The following NAV1 variants were observed in gnomAD, a reference collection of about 807,000 sequenced individuals.
NAV1 encodes the protein pore membrane and/or filament interacting like protein 3.
NAV1 carries 18 observed loss-of-function variants against 175.2 expected under a neutral mutation model. The observed-to-expected ratio is 0.10, with a 90% CI of 0.07 to 0.15. NAV1 has a LOEUF of 0.15. Among genes scored for constraint, NAV1 ranks in the 10% least tolerant of loss-of-function variants. The pLI is 1.00. For synonymous variants in NAV1, 897 were observed against 978.7 expected (o/e 0.92, Z 1.56); for missense variants, 1,731 against 2,436.6 (o/e 0.71, Z 6.10).
intron 2 of NAV1, among the ~76,000 whole-genome samples, chr1:201,643,077 TTC>T (rs566102454): frequency 5.3e-5 from 8 of 150,300 alleles, no homozygotes; most frequent in Non-Finnish European, 8.8e-5. Context: ...CCTGGCCTCT[TTC>T]TCTCTTTCTT....
chr1:201,544,855 T>A (rs547016642), intron 1 of NAV1, among the ~76,000 whole-genome samples: 1 of 152,354 alleles, frequency 6.6e-6, no homozygotes, highest in South Asian at 2.1e-4. Flanking sequence ...AGATTTTCAC[T>A]GGATGTGTCC....
chr1:201,733,851 A>G (rs565059202), intron 3 of NAV1, among the ~76,000 whole-genome samples: 43 of 152,350 alleles, frequency 2.8e-4, no homozygotes, highest in Non-Finnish European at 4.9e-4. Context: ...ACAGGTAGCC[A>G]GAGGCCATGT....
rs1341040103 is a variant in NAV1 at position 201,808,140 on chromosome 1, A to G, written c.3836A>G (p.Asp1279Gly). ...TCCACCTCGTCCTCCGTGGGCACTG[A>G]TGTCACCGAGTAAGTGCTCTTTGGC... The change falls in exon 18 of 30, where the codon GAT becomes GGT. Residue 1279 changes from aspartate to glycine, a missense_variant. Transcript: ENST00000367296. The surrounding 1 kb of genome is among the most constrained non-coding windows in gnomAD (Gnocchi z 5.5). 1.2e-6 allele frequency: 2 copies of G among 1,614,158 alleles called. No homozygotes were observed. Among genetic ancestry groups the G allele is most frequent in the South Asian group, 2.2e-5 (2 of 91,078 alleles).
At chr1:201,712,678 G>T in intron 1 of NAV1, 139 bp from the exon 6 acceptor site, 1 of 667,514 alleles carries the variant, frequency 1.5e-6, no homozygotes, top group Non-Finnish European at 2.8e-6. Flanking sequence ...GGTTGTCTTT[G>T]GGAAAGGGAG....
intron 1 of NAV1, among the ~76,000 whole-genome samples, chr1:201,583,571 G>A (rs971896660): frequency 6.6e-6 from 1 of 152,210 alleles, no homozygotes; most frequent in Non-Finnish European, 1.5e-5. Flanking sequence ...GACAGAGGGT[G>A]GCACTTGGGG....
chr1:201,811,495 G>C, intron 24 of NAV1, 108 bp from the exon 29 acceptor site: 1 of 1,350,070 alleles, frequency 7.4e-7, no homozygotes, highest in Non-Finnish European at 1.0e-6. Context: ...AGGAACTAAA[G>C]GCCCCAGGGG....
intron 28 of NAV1, among the ~76,000 whole-genome samples, chr1:201,815,039 C>CA (rs554042432): frequency 0.25 from 18,643 of 75,604 alleles, 1,753 homozygotes; most frequent in Non-Finnish European, 0.31. Flanking sequence ...GACTCTGTCT[C>CA]AAAAAAAAAA....
chr1:201,665,236 C>T (rs1569403), intron 1 of NAV1, among the ~76,000 whole-genome samples: 37,293 of 151,166 alleles, frequency 0.25, 5,187 homozygotes, highest in East Asian at 0.39. Context: ...AGTTGGGCTC[C>T]TCTCCGTTGC....
intron 1 of NAV1, among the ~76,000 whole-genome samples, chr1:201,658,052 A>G (rs1669472290): frequency 6.6e-6 from 1 of 152,098 alleles, no homozygotes; most frequent in Admixed American, 6.5e-5. Context: ...AATCTGCCCA[A>G]AGCCAGTAAA....
intron 1 of NAV1, among the ~76,000 whole-genome samples, chr1:201,557,642 T>C (rs1666068677): frequency 6.6e-6 from 1 of 152,170 alleles, no homozygotes; most frequent in Non-Finnish European, 1.5e-5. Flanking sequence ...AGTTTTCAGG[T>C]GGGTTAACTG....
At chr1:201,781,334 C>A in intron 5 of NAV1, 25 bp downstream of exon 9, 2 of 1,575,542 alleles carry the variant, frequency 1.3e-6, no homozygotes, top group Non-Finnish European at 1.7e-6. Context: ...AAGGAAGGTA[C>A]AAGGGCAAAG....
chr1:201,816,476 T>C (rs1404778134), intron 28 of NAV1, among the ~76,000 whole-genome samples: 2 of 152,282 alleles, frequency 1.3e-5, no homozygotes, highest in Admixed American at 6.5e-5. Context: ...CATAAATGCA[T>C]ATAATTTTTG....
chr1:201,790,516 TTCTC>T (rs1405280767), intron 11 of NAV1, 34 bp from the exon 16 acceptor site: 24 of 1,613,040 alleles, frequency 1.5e-5, no homozygotes, highest in Non-Finnish European at 2.0e-5. Context: ...ACTACTTCCT[TTCTC>T]TCTCTTTCTC....
chr1:201,752,848 T>C (rs1674211117), intron 3 of NAV1, among the ~76,000 whole-genome samples: 1 of 152,228 alleles, frequency 6.6e-6, no homozygotes. Context: ...TGTTCTTTAC[T>C]GCATCTACCT....
chr1:201,743,583 A>G (rs985243027), intron 3 of NAV1, among the ~76,000 whole-genome samples: 1 of 152,220 alleles, frequency 6.6e-6, no homozygotes, highest in African/African-American at 2.4e-5. Flanking sequence ...GTGGGCTTTG[A>G]TAAGTGGAAT....
rs144481171 is a variant in NAV1, at chr1:201,783,759, T to G, written c.2711T>G (p.Val904Gly). 5.1e-5 allele frequency: 83 copies of G among 1,613,944 alleles called. 1 individual carries two copies. In the African/African-American group the frequency reaches 9.3e-4, roughly 18 times the overall value. Reference sequence around the variant, plus strand: ...AGTGCCTTCCCCAGCAGTACTCCCGTCCCCACCCCACCTGCTCCCCCTGCT... The same window carrying G: ...AGTGCCTTCCCCAGCAGTACTCCCGGCCCCACCCCACCTGCTCCCCCTGCT... The change falls in exon 7 of 30, where the codon GTC (valine) becomes GGC (glycine). Residue 904 changes from valine (V) to glycine (G), a missense_variant. Val to Gly is a moderately radical substitution (Grantham distance 109, BLOSUM62 -3). Coordinates refer to ENST00000367296, the Ensembl canonical transcript of NAV1.
At chr1:201,817,364 T>A in intron 29 of NAV1, 79 bp downstream of exon 33, 1 of 1,344,948 alleles carries the variant, frequency 7.4e-7, no homozygotes, top group Non-Finnish European at 1.0e-6. Flanking sequence ...CTCACACCTG[T>A]AATCCCAGCA....
At chr1:201,601,132 C>G (rs1486105667) in intron 2 of NAV1, among the ~76,000 whole-genome samples, 2 of 152,212 alleles carry the variant, frequency 1.3e-5, no homozygotes, top group Non-Finnish European at 2.9e-5. Flanking sequence ...TAATTTACCT[C>G]AGCTCTAACA....
At chr1:201,674,302 AG>A (rs1412161424) in intron 1 of NAV1, among the ~76,000 whole-genome samples, 1 of 152,122 alleles carries the variant, frequency 6.6e-6, no homozygotes, top group Non-Finnish European at 1.5e-5. Flanking sequence ...GCAGAGAGGA[AG>A]GGTGGTGGGG....
Sources: allele counts gnomAD v4.1 joint callset (sites outside exome capture counted in the v4.1 genomes callset), GRCh38; gene constraint gnomAD v4.1.1; non-coding constraint Gnocchi (gnomAD v3.1); transcripts MANE v1.5; gene names NCBI Gene and HGNC (gene_info 2026-07-23, HGNC 2026-07-21).